The following GCKR variants were observed in gnomAD, a reference collection of about 807,000 sequenced individuals.
GCKR encodes glucokinase regulatory protein.
In GCKR, 73 loss-of-function variants were observed where a neutral mutation model predicts 82.9. The observed-to-expected ratio is 0.88, with a 90% CI of 0.73 to 1.07. The LOEUF is 1.07. Ranked by LOEUF, GCKR falls within the 50% of genes least tolerant of loss-of-function variation. The pLI, the probability that GCKR is intolerant of heterozygous loss-of-function variation, is 0.00. For synonymous variants in GCKR, 294 were observed against 291.8 expected (o/e 1.01, Z -0.08); for missense variants, 784 against 782.1 (o/e 1.00, Z -0.03).
At chr2:27,514,180 T>C (rs1485335384) in intron 16 of GCKR, among the ~76,000 whole-genome samples, 1 of 152,144 alleles carries the variant, frequency 6.6e-6, no homozygotes, top group Non-Finnish European at 1.5e-5. Flanking sequence ...TGTATGTGTG[T>C]GTTTATGTAT....
intron 16 of GCKR, among the ~76,000 whole-genome samples, chr2:27,516,798 A>G (rs1294379629): frequency 6.6e-6 from 1 of 152,206 alleles, no homozygotes; most frequent in Non-Finnish European, 1.5e-5. Context: ...CACGCACCCT[A>G]TAGCATCAGT....
intron 7 of GCKR, among the ~76,000 whole-genome samples, chr2:27,500,322 C>T (rs958264670): frequency 6.6e-6 from 1 of 151,858 alleles, no homozygotes; most frequent in Admixed American, 6.6e-5. Flanking sequence ...GGATGCTCAC[C>T]GACATGAGGA....
chr2:27,506,661 ACACGGTAT>A (rs1669754246), intron 11 of GCKR, 82 bp downstream of exon 11: 3 of 1,143,548 alleles, frequency 2.6e-6, no homozygotes, highest in Non-Finnish European at 1.3e-6. Context: ...AGACATGTTA[ACACGGTAT>A]GGGCGATAGG....
In GCKR at chr2:27,515,939, A is replaced by AT. The variant is rs1369462083; in HGVS notation, c.1423-2849_1423-2848insT. 7.0e-3 allele frequency among the ~76,000 whole-genome samples: 944 copies of AT among 135,720 alleles called. 10 individuals carry two copies. Among genetic ancestry groups the AT allele is most frequent in the African/African-American group, 0.026 (852 of 33,328 alleles). 89.0% of individuals were successfully genotyped at this position (135,720 alleles called of 152,430 possible). On this transcript the variant is annotated intron_variant, in intron 16 of 18. Transcript: ENST00000264717. ...CCACCATGCCTGGCTAATTAAACAA[A>AT]ATTTTTTTTTTTTTTTTTGTAGAGA... is the stretch of plus-strand genomic sequence containing the variant.
Position 27,496,950 on chromosome 2 carries a change from C to G in GCKR, c.46C>G (p.Pro16Ala). The G allele has an allele frequency of 6.2e-7, 1 of 1,613,232 alleles. No homozygotes were observed. Among genetic ancestry groups the G allele is most frequent in the Non-Finnish European group, 8.5e-7 (1 of 1,179,198 alleles). ...RFQHVIETPEPGKWELSGYEA... is the reference protein window; with the variant it reads ...RFQHVIETPEAGKWELSGYEA... ...TCAACATGTCATTGAGACCCCGGAG[C>G]CTGGCAAGTGGGAGGTGAGACCCCT... is the stretch of plus-strand genomic sequence containing the variant. Residue 16 changes from proline (P) to alanine (A), a missense_variant, in exon 1 of 19, where the codon CCT (proline) becomes GCT (alanine). Transcript: ENST00000264717.
chr2:27,523,441 C>T lies in GCKR; in HGVS notation c.*2C>T. 6.2e-7 allele frequency: 1 copy of T among 1,604,732 alleles called. No individual in the cohort carries two copies. The highest frequency in any genetic ancestry group is 8.5e-7 in the Non-Finnish European group (1 of 1,179,886). ...ATCCTAGAGCCTGACGTTCAGTGAA[C>T]CCATGTTTCTGGGTGGGTGAAAGGG... is the stretch of plus-strand genomic sequence containing the variant. On this transcript the variant is annotated 3_prime_UTR_variant, in exon 19 of 19. Transcript: ENST00000264717.
intron 18 of GCKR, among the ~76,000 whole-genome samples, chr2:27,522,929 T>C (rs2148595052): frequency 6.7e-6 from 1 of 149,196 alleles, no homozygotes; most frequent in African/African-American, 2.5e-5. Context: ...AGAGTCTTGC[T>C]CTGTCACCCA....
At position 27,506,477 on chromosome 2, in the gene GCKR, C is replaced by T. The variant is rs373790322; in HGVS notation, c.870-4C>T. On this transcript the variant is annotated splice_region_variant and splice_polypyrimidine_tract_variant and intron_variant, in intron 10 of 18. Transcript: ENST00000264717. ...TTCTTGAGAGCTGGTGGCTTTTCTC[C>T]CAGATGCCTCCTGGAAATCTTGCGG... 1.9e-6 allele frequency: 3 copies of T among 1,609,752 alleles called. No homozygotes were observed. Among genetic ancestry groups the T allele is most frequent in the Middle Eastern group, 1.7e-4 (1 of 6,046 alleles).
chr2:27,517,892 G>A (rs931000639), intron 16 of GCKR, among the ~76,000 whole-genome samples: 9 of 152,116 alleles, frequency 5.9e-5, no homozygotes, highest in African/African-American at 2.2e-4. Context: ...TCAGAAGACC[G>A]GGATTTAGGT....
chr2:27,523,209 G>T, intron 18 of GCKR, 60 bp from the exon 19 acceptor site: 3 of 1,473,058 alleles, frequency 2.0e-6, no homozygotes, highest in Middle Eastern at 1.7e-4. Context: ...TTCCTCCGGG[G>T]TTCTTTCTCT....
chr2:27,508,872 C>CT (rs57634090), intron 16 of GCKR, among the ~76,000 whole-genome samples: 2,356 of 145,242 alleles, frequency 0.016, 53 homozygotes, highest in African/African-American at 0.054. Context: ...TTTACCACAC[C>CT]TTTTTTTTTT....
chr2:27,509,791 A>C (rs1474076806), intron 16 of GCKR: 3 of 157,220 alleles, frequency 1.9e-5, no homozygotes, highest in Non-Finnish European at 4.2e-5. Flanking sequence ...AAAAAAAAAA[A>C]CACTCTAACA....
intron 17 of GCKR, among the ~76,000 whole-genome samples, chr2:27,519,342 C>T (rs1468188437): frequency 1.3e-5 from 2 of 151,770 alleles, no homozygotes; most frequent in African/African-American, 4.8e-5. Flanking sequence ...TGCTCTATCG[C>T]CCAGGCTGGA....
intron 16 of GCKR, among the ~76,000 whole-genome samples, chr2:27,512,852 A>G (rs1669922963): frequency 6.6e-6 from 1 of 152,160 alleles, no homozygotes; most frequent in South Asian, 2.1e-4. Flanking sequence ...GATGACATTG[A>G]TATCTTAGAA....
At chr2:27,508,568 T>A (rs1360173310) in intron 16 of GCKR, among the ~76,000 whole-genome samples, 4 of 152,238 alleles carry the variant, frequency 2.6e-5, no homozygotes, top group African/African-American at 9.6e-5. Context: ...TCGCCCAGGC[T>A]GGAGTGCAGT....
intron 8 of GCKR, chr2:27,501,597 C>T: frequency 2.5e-6 from 1 of 399,506 alleles, no homozygotes; most frequent in Non-Finnish European, 5.1e-6. Context: ...CCCCAAGCAC[C>T]TTTTCAAAGT....
chr2:27,504,095 G>A (rs565103394), intron 9 of GCKR, among the ~76,000 whole-genome samples: 3 of 152,198 alleles, frequency 2.0e-5, no homozygotes, highest in Admixed American at 6.5e-5. Context: ...CATCTGGATT[G>A]CAGATACATT....
chr2:27,510,735 T>C (rs533297785), intron 16 of GCKR, among the ~76,000 whole-genome samples: 6 of 152,260 alleles, frequency 3.9e-5, no homozygotes, highest in African/African-American at 1.4e-4. Context: ...TACTTAAAAA[T>C]ATATATTGGC....
At chr2:27,523,198 C>A in intron 18 of GCKR, 71 bp from the exon 19 acceptor site, 1 of 1,381,218 alleles carries the variant, frequency 7.2e-7, no homozygotes, top group Middle Eastern at 1.8e-4. Context: ...TGCGCCCGAC[C>A]TTCCTCCGGG....
Sources: gnomAD v4.1 joint callset for allele counts (sites outside exome capture counted in the v4.1 genomes callset) on GRCh38, gnomAD v4.1.1 for gene constraint, MANE v1.5 for transcripts, NCBI Gene and HGNC (gene_info 2026-07-23, HGNC 2026-07-21) for gene names.